Variants in MAGI2 observed in about 807,000 individuals in gnomAD.
MAGI2 encodes membrane-associated guanylate kinase, WW and PDZ domain-containing protein 2.
A neutral mutation model predicts 133.3 loss-of-function variants in MAGI2; 35 were observed. That is an observed-to-expected ratio of 0.26 (90% CI 0.20 to 0.35). The LOEUF (loss-of-function observed/expected upper bound fraction) is 0.35, where lower values mean the gene tolerates loss of function less well. MAGI2 is among the 10% of genes least tolerant of loss of function. MAGI2 has a pLI of 1.00. For synonymous variants in MAGI2, 729 were observed against 710.6 expected, an observed-to-expected ratio of 1.03 and a Z score of -0.41; for missense variants, 1,636 against 1,863.4, an observed-to-expected ratio of 0.88 and a Z score of 2.25.
intron 2 of MAGI2, among the ~76,000 whole-genome samples, chr7:78,886,117 T>A (rs1478134356): frequency 6.6e-6 from 1 of 152,242 alleles, no homozygotes; most frequent in East Asian, 1.9e-4. Context: ...CAATTCTGCA[T>A]CAGACCCTTC....
At chr7:78,422,347 T>C (rs1798877396) in intron 6 of MAGI2, among the ~76,000 whole-genome samples, 2 of 152,210 alleles carry the variant, frequency 1.3e-5, no homozygotes, top group Admixed American at 6.5e-5. Flanking sequence ...AAAATTGTAA[T>C]GTTAATAGAT....
intron 1 of MAGI2, among the ~76,000 whole-genome samples, chr7:79,167,917 C>A (rs555961705): frequency 6.6e-6 from 1 of 152,074 alleles, no homozygotes; most frequent in East Asian, 1.9e-4. Context: ...GCAAGGAACA[C>A]CCGGCCTGCC....
chr7:78,859,539 C>G (rs1220642482), intron 2 of MAGI2, among the ~76,000 whole-genome samples: 1 of 152,182 alleles, frequency 6.6e-6, no homozygotes, highest in Non-Finnish European at 1.5e-5. Context: ...GTTGAAAATT[C>G]TTTTCTTTAG....
At chr7:79,003,687 C>G (rs1012534216) in intron 2 of MAGI2, among the ~76,000 whole-genome samples, 9 of 152,196 alleles carry the variant, frequency 5.9e-5, no homozygotes, top group Non-Finnish European at 8.8e-5. Flanking sequence ...CACACTTCTA[C>G]TGCACCCTTT....
intron 18 of MAGI2, among the ~76,000 whole-genome samples, chr7:78,132,331 T>C (rs1460030705): frequency 1.3e-5 from 2 of 152,262 alleles, no homozygotes; most frequent in African/African-American, 2.4e-5. Flanking sequence ...GTCTGCGCTC[T>C]GCAGGGCAGA....
intron 1 of MAGI2, among the ~76,000 whole-genome samples, chr7:79,234,292 G>C (rs1259279492): frequency 6.7e-6 from 1 of 149,602 alleles, no homozygotes; most frequent in Non-Finnish European, 1.5e-5. Flanking sequence ...CTCTTCTCGA[G>C]GAGTATCTTT....
intron 2 of MAGI2, chr7:78,904,025 T>C (rs1423468400): frequency 6.6e-6 from 1 of 152,122 alleles, no homozygotes; most frequent in Non-Finnish European, 1.5e-5. Context: ...ACTTACTTCA[T>C]TTGGGGCTTG....
intron 3 of MAGI2, among the ~76,000 whole-genome samples, chr7:78,609,053 G>A (rs1355356600): frequency 2.6e-5 from 4 of 152,216 alleles, no homozygotes; most frequent in Non-Finnish European, 5.9e-5. Flanking sequence ...ATGGGGGAAA[G>A]ATGTAGGCTG....
At chr7:78,736,551 G>A (rs2151239878) in intron 2 of MAGI2, among the ~76,000 whole-genome samples, 1 of 152,294 alleles carries the variant, frequency 6.6e-6, no homozygotes, top group South Asian at 2.1e-4. Flanking sequence ...TTAACATGTA[G>A]TGTGTAGACC....
chr7:79,192,734 C>A (rs1827781440), intron 1 of MAGI2, among the ~76,000 whole-genome samples: 1 of 151,754 alleles, frequency 6.6e-6, no homozygotes, highest in African/African-American at 2.4e-5. Context: ...ACAAAGAGGA[C>A]AAATTGGCTT....
chr7:79,074,997 T>C (rs1815335552), intron 1 of MAGI2, among the ~76,000 whole-genome samples: 1 of 152,254 alleles, frequency 6.6e-6, no homozygotes, highest in Admixed American at 6.5e-5. Context: ...TCTTGTTCTT[T>C]CATTCTAATA....
At chr7:78,589,591 T>A (rs1803779390) in intron 3 of MAGI2, among the ~76,000 whole-genome samples, 1 of 152,098 alleles carries the variant, frequency 6.6e-6, no homozygotes, top group South Asian at 2.1e-4. Context: ...GAGTGAGAGG[T>A]GTGGCAGGGA....
At chr7:78,068,642 T>C (rs1201520347) in intron 21 of MAGI2, among the ~76,000 whole-genome samples, 1 of 152,192 alleles carries the variant, frequency 6.6e-6, no homozygotes, top group East Asian at 1.9e-4. Flanking sequence ...ACTCACCTGT[T>C]TGTTCCACTG....
chr7:78,838,949 C>A (rs1385477989), intron 2 of MAGI2, among the ~76,000 whole-genome samples: 1 of 152,040 alleles, frequency 6.6e-6, no homozygotes, highest in Non-Finnish European at 1.5e-5. Context: ...ATGATTCCAA[C>A]TATATTGTTA....
intron 9 of MAGI2, among the ~76,000 whole-genome samples, chr7:78,288,721 C>T (rs1310550902): frequency 5.9e-5 from 9 of 152,214 alleles, no homozygotes; most frequent in African/African-American, 1.7e-4. Context: ...ACTGGCACCT[C>T]GTGCAGCCGG....
chr7:78,617,333 C>G, intron 3 of MAGI2: 1 of 152,064 alleles, frequency 6.6e-6, no homozygotes, highest in East Asian at 1.9e-4. Flanking sequence ...GTGCTTTCTG[C>G]TGGTCCCGAA....
At chr7:78,589,806 A>G (rs566180919) in intron 3 of MAGI2, among the ~76,000 whole-genome samples, 39 of 152,352 alleles carry the variant, frequency 2.6e-4, no homozygotes, top group African/African-American at 8.9e-4. Context: ...ATAGGTCTTC[A>G]ATATGGAAAG....
chr7:78,682,911 GT>G (rs1445242892), intron 2 of MAGI2, among the ~76,000 whole-genome samples: 2 of 152,114 alleles, frequency 1.3e-5, no homozygotes, highest in African/African-American at 4.8e-5. Context: ...ATGTAAAACT[GT>G]TTTGCTTTAT....
chr7:79,367,241 G>A (rs1842761345), intron 1 of MAGI2, among the ~76,000 whole-genome samples: 1 of 152,208 alleles, frequency 6.6e-6, no homozygotes, highest in South Asian at 2.1e-4. Flanking sequence ...ATGAATATGT[G>A]GAAATGCATG....
Sources: allele counts gnomAD v4.1 joint callset (sites outside exome capture counted in the v4.1 genomes callset), GRCh38; gene constraint gnomAD v4.1.1; transcripts MANE v1.5; gene names NCBI Gene and HGNC (gene_info 2026-07-23, HGNC 2026-07-21).